Variants in GUCY2D observed in about 807,000 individuals in gnomAD.
GUCY2D encodes guanylate cyclase 2D, retinal, also known as retinal guanylyl cyclase 1.
In GUCY2D, 70 loss-of-function variants were observed where a neutral mutation model predicts 101.3. The observed-to-expected ratio is 0.69, with a 90% CI of 0.57 to 0.84. The LOEUF (loss-of-function observed/expected upper bound fraction) is 0.84, where lower values mean the gene tolerates loss of function less well. GUCY2D is among the 40% of genes least tolerant of loss of function. The pLI, the probability that GUCY2D is intolerant of heterozygous loss-of-function variation, is 0.00. For missense variants in GUCY2D, 1,460 were observed against 1,542.5 expected, an observed-to-expected ratio of 0.95 and a Z score of 0.90; for synonymous variants, 688 against 670.7, an observed-to-expected ratio of 1.03 and a Z score of -0.40.
intron 8 of GUCY2D, among the ~76,000 whole-genome samples, chr17:8,010,581 C>T (rs994937506): frequency 3.7e-4 from 56 of 151,292 alleles, no homozygotes; most frequent in Non-Finnish European, 6.5e-4. Flanking sequence ...CCGAGGCGGG[C>T]GGATCACGAG....
In GUCY2D at chr17:8,015,408, C is replaced by T. The variant is rs750005559; in HGVS notation, c.2850C>T (p.Ala950=). ...GGCAGCGACACGCGGCAGAGATCGC[C>T]AACATGTCACTGGACATCCTCAGTG... is the stretch of plus-strand genomic sequence containing the variant. ...RNGQRHAAEI[A]NMSLDILSAV... The change falls in exon 15 of 20, where the codon GCC becomes GCT. Residue 950 remains alanine, a synonymous_variant. Transcript: ENST00000254854. The T allele has an allele frequency of 6.2e-7, 1 of 1,613,792 alleles. No homozygotes were observed. The highest frequency in any genetic ancestry group is 1.1e-5 in the South Asian group (1 of 91,086).
At chr17:8,010,140 G>A (rs988082794) in intron 8 of GUCY2D, among the ~76,000 whole-genome samples, 1 of 152,114 alleles carries the variant, frequency 6.6e-6, no homozygotes, top group Admixed American at 6.6e-5. Flanking sequence ...ACTGTAAGCT[G>A]AGTGAGGGCC....
intron 19 of GUCY2D, among the ~76,000 whole-genome samples, chr17:8,017,818 G>A (rs1303154932): frequency 3.3e-5 from 5 of 152,094 alleles, no homozygotes; most frequent in East Asian, 1.9e-4. Flanking sequence ...TCAGCCTGCC[G>A]AGTAGCTGGG....
chr17:8,017,042 GTCCT>G (rs1975992743), intron 19 of GUCY2D, among the ~76,000 whole-genome samples: 1 of 152,166 alleles, frequency 6.6e-6, no homozygotes, highest in African/African-American at 2.4e-5. Context: ...GTTCTGGAAG[GTCCT>G]TTTCCTGAAA....
At position 8,003,466 on chromosome 17, in the gene GUCY2D, C is replaced by G. The variant is rs1315288867; in HGVS notation, c.419C>G (p.Ala140Gly). The G allele has an allele frequency of 3.9e-6, 6 of 1,522,506 alleles. No individual in the cohort carries two copies. Among genetic ancestry groups the G allele is most frequent in the Non-Finnish European group, 5.3e-6 (6 of 1,141,676 alleles). The allele number at this position is 1,522,506 out of a possible 1,614,324, so 94.3% of individuals were successfully genotyped here. Residue 140 changes from alanine to glycine, a missense_variant, in exon 2 of 20, where the codon GCC (alanine) becomes GGC (glycine). Transcript: ENST00000254854. ...GCCTGCCGGCCAGCCGAGCTGCTCG[C>G]CGAAGAAGCCGGGATCGCGCTGGTG... ...PAACRPAELL[A>G]EEAGIALVPW... is the part of the protein sequence containing the mutation.
At chr17:8,005,825 A>AGTTC (rs1258238966) in intron 3 of GUCY2D, among the ~76,000 whole-genome samples, 1 of 152,238 alleles carries the variant, frequency 6.6e-6, no homozygotes, top group African/African-American at 2.4e-5. Flanking sequence ...ACTGGGAATA[A>AGTTC]TAGAGAAGCC....
rs181567056 is a variant in GUCY2D at position 8,015,475 on chromosome 17, G to C, written c.2917G>C (p.Val973Leu). Reference protein sequence around the residue: ...FRMRHMPEVPVRIRIGLHSGP... With the variant: ...FRMRHMPEVPLRIRIGLHSGP... The stretch of plus-strand genomic sequence containing the variant: ...CATGCGCCATATGCCTGAGGTTCCC[G>C]TGCGCATCCGCATAGGCCTGCACTC... The change falls in exon 15 of 20, where the codon GTG (valine) becomes CTG (leucine). Residue 973 changes from valine to leucine, a missense_variant. Val to Leu is a conservative substitution (Grantham distance 32). This residue lies in a region of GUCY2D where 215 missense variants were observed against 227.9 expected (regional missense o/e 0.94). Transcript: ENST00000254854. 6.2e-7 allele frequency: 1 copy of C among 1,612,868 alleles called. No homozygotes were observed. Among genetic ancestry groups the C allele is most frequent in the South Asian group, 1.1e-5 (1 of 90,986 alleles).
In GUCY2D at chr17:8,003,087, C is replaced by G. The variant is rs1975658549; in HGVS notation, c.40C>G (p.Pro14Ala). Residue 14 changes from proline to alanine, a missense_variant, in exon 2 of 20, where the codon CCC (proline) becomes GCC (alanine). This residue lies in a region of GUCY2D where 1,196 missense variants were observed against 1,229.6 expected (regional missense o/e 0.97). Transcript: ENST00000254854. ...CARRAGGLPD[P>A]GLCGPAWWAP... Reference sequence around the variant, plus strand: ...CCGCCGAGCGGGTGGGCTTCCGGACCCCGGGCTCTGCGGTCCCGCGTGGTG... The same window carrying G: ...CCGCCGAGCGGGTGGGCTTCCGGACGCCGGGCTCTGCGGTCCCGCGTGGTG... 1 of 1,525,410 alleles carries G rather than the reference C, an allele frequency of 6.6e-7. No individual in the cohort carries two copies. Among genetic ancestry groups the G allele is most frequent in the Non-Finnish European group, 8.8e-7 (1 of 1,142,824 alleles). 94.5% of individuals were successfully genotyped at this position (1,525,410 alleles called of 1,614,324 possible). A position where few individuals can be genotyped will look rare whatever the true frequency, so the allele number is the denominator to read the frequency against.
Position 8,014,882 on chromosome 17 carries a change from C to A in GUCY2D, c.2600C>A (p.Thr867Lys), listed in dbSNP as rs375727197. Reference sequence around the variant, plus strand: ...AGGTCTGTGGCTGAGGCCTTGAAGACGGGGACACCAGTGGAGCCCGAGTAC... The same window carrying A: ...AGGTCTGTGGCTGAGGCCTTGAAGAAGGGGACACCAGTGGAGCCCGAGTAC... ...LPPSVAEALK[T>K]GTPVEPEYFE... The change falls in exon 14 of 20, where the codon ACG becomes AAG. Residue 867 changes from threonine (T) to lysine (K), a missense_variant. Physicochemically the swap from Thr to Lys is moderately conservative, Grantham distance 78 (BLOSUM62 -1). Coordinates refer to ENST00000254854, the MANE Select transcript of GUCY2D (RefSeq NM_000180.4). The surrounding 1 kb of genome is among the most constrained non-coding windows in gnomAD (Gnocchi z 4.0). 4.3e-6 allele frequency: 7 copies of A among 1,614,000 alleles called. No individual in the cohort carries two copies. In the African/African-American group the frequency reaches 8.0e-5, roughly 18 times the overall value.
Position 8,003,156 on chromosome 17 carries a change from C to G in GUCY2D, c.109C>G (p.Pro37Ala), listed in dbSNP as rs1759349967. 6.6e-7 allele frequency: 1 copy of G among 1,510,744 alleles called. No homozygotes were observed. The highest frequency in any genetic ancestry group is 1.4e-5 in the African/African-American group (1 of 69,634). 93.6% of individuals were successfully genotyped at this position (1,510,744 alleles called of 1,614,324 possible). A position where few individuals can be genotyped will look rare whatever the true frequency, so the allele number is the denominator to read the frequency against. The change falls in exon 2 of 20, where the codon CCG becomes GCG. Residue 37 changes from proline to alanine, a missense_variant. Coordinates refer to ENST00000254854, the MANE Select transcript of GUCY2D (RefSeq NM_000180.4). Reference protein sequence around the residue: ...PRLPRALPRLPLLLLLLLLQP... With the variant: ...PRLPRALPRLALLLLLLLLQP... ...CCTCCCCCGGGCCCTGCCCCGGCTC[C>G]CGCTCCTGCTGCTCCTGCTTCTGCT...
At chr17:8,012,377 C>T (rs368301973) in intron 9 of GUCY2D, 27 bp downstream of exon 9, 13 of 1,585,470 alleles carry the variant, frequency 8.2e-6, no homozygotes, top group African/African-American at 4.0e-5. Flanking sequence ...GGTGGGGTGA[C>T]GTCCTGGGGG....
At chr17:8,012,714 C>A (rs941887313) in intron 10 of GUCY2D, 108 bp downstream of exon 10, 28 of 875,294 alleles carry the variant, frequency 3.2e-5, no homozygotes, top group Non-Finnish European at 5.0e-5. Context: ...CATCCCACAT[C>A]CACCAGACAC....
chr17:8,007,197 T>A lies in GUCY2D; in HGVS notation c.1463+53T>A. 2.2e-6 allele frequency: 3 copies of A among 1,383,016 alleles called. No individual in the cohort carries two copies. The South Asian group carries it at 3.5e-5, about 16-fold the overall frequency. The allele number at this position is 1,383,016 out of a possible 1,614,324, so 85.7% of individuals were successfully genotyped here. A position where few individuals can be genotyped will look rare whatever the true frequency, so the allele number is the denominator to read the frequency against. On this transcript the variant is annotated intron_variant, in intron 5 of 19. Transcript: ENST00000254854. ...AGTGAGCTTGTGCCAGAAATGGAAG[T>A]CTGCAGCAAAAACAGCAGGCTGGGT...
chr17:8,015,303 T>C (rs1316578583), intron 14 of GUCY2D, 25 bp from the exon 15 acceptor site: 5 of 1,599,184 alleles, frequency 3.1e-6, no homozygotes, highest in Non-Finnish European at 4.2e-6. Flanking sequence ...CAAAAGAAAA[T>C]TCACACAACT....
In GUCY2D at chr17:8,002,856, C is replaced by T. The variant is rs1289203463; in HGVS notation, c.-10+122C>T. 3.7e-6 allele frequency: 2 copies of T among 542,598 alleles called. No homozygotes were observed. Among genetic ancestry groups the T allele is most frequent in the South Asian group, 2.4e-5 (1 of 41,894 alleles). 33.6% of individuals were successfully genotyped at this position (542,598 alleles called of 1,614,324 possible). A position where few individuals can be genotyped will look rare whatever the true frequency, so the allele number is the denominator to read the frequency against. ...GCCGGGTGGGAGCGGGAAGCCGGGG[C>T]GGCAGAAGGGGGCTTCGGGGCGGTG... On this transcript the variant is annotated intron_variant, in intron 1 of 19. Transcript: ENST00000254854. This position sits in a 1 kb window ranked among gnomAD's most constrained non-coding sequence, Gnocchi z 4.9.
At chr17:8,015,701 G>A (rs1397802925) in intron 15 of GUCY2D, 42 bp from the exon 16 acceptor site, 2 of 1,460,592 alleles carry the variant, frequency 1.4e-6, no homozygotes, top group Non-Finnish European at 1.9e-6. Flanking sequence ...TGCAGCCCAG[G>A]GCCGGCCCTG....
intron 4 of GUCY2D, 49 bp from the exon 5 acceptor site, chr17:8,007,011 C>T (rs1975756389): frequency 6.9e-7 from 1 of 1,458,396 alleles, no homozygotes; most frequent in Admixed American, 1.7e-5. Context: ...AGAGAAGAGG[C>T]CTCCCCTGGC....
At position 8,011,060 on chromosome 17, in the gene GUCY2D, G is replaced by A. The variant is rs1162554277; in HGVS notation, c.1750-1084G>A. On this transcript the variant is annotated intron_variant, in intron 8 of 19. Coordinates refer to ENST00000254854, the MANE Select transcript of GUCY2D (RefSeq NM_000180.4). This position sits in a 1 kb window ranked among gnomAD's most constrained non-coding sequence, Gnocchi z 4.3. ...GCCCCCGGCCAGGTTGCAGGCACAC[G>A]CCATTTCTGGTGTCCTTTGAAAGTG... 6.6e-6 allele frequency among the ~76,000 whole-genome samples: 1 copy of A among 151,988 alleles called. No homozygotes were observed. The highest frequency in any genetic ancestry group is 1.5e-5 in the Non-Finnish European group (1 of 68,014).
In GUCY2D at chr17:8,012,141, C is replaced by T; in HGVS notation, c.1750-3C>T. ...AAATGCAAGTCAACTCTCCCCCTCT[C>T]AGCTCCAGGAGCTCCGGCATGAGAA... On this transcript the variant is annotated splice_polypyrimidine_tract_variant and splice_region_variant and intron_variant, in intron 8 of 19. Transcript: ENST00000254854. 6.2e-7 allele frequency: 1 copy of T among 1,611,300 alleles called. No homozygotes were observed.
Sources: allele counts gnomAD v4.1 joint callset (sites outside exome capture counted in the v4.1 genomes callset), GRCh38; gene constraint gnomAD v4.1.1; regional missense constraint gnomAD v4.1.1; non-coding constraint Gnocchi (gnomAD v3.1); transcripts MANE v1.5; gene names NCBI Gene and HGNC (gene_info 2026-07-23, HGNC 2026-07-21).